Variants in NDUFAF6 observed in about 807,000 individuals in gnomAD.
NDUFAF6 encodes the protein NADH dehydrogenase (ubiquinone) complex I, assembly factor 6.
Under a neutral mutation model 40.8 loss-of-function variants are expected in NDUFAF6, and 45 were observed. That is an observed-to-expected ratio of 1.10 (90% CI 0.87 to 1.42). NDUFAF6 has a LOEUF of 1.42. Among genes scored for constraint, NDUFAF6 ranks in the 40% most tolerant of loss-of-function variants. The probability of loss-of-function intolerance (pLI) is 0.00; values close to 1 mark genes in which losing one functional copy is unlikely to be tolerated. For synonymous variants in NDUFAF6, 185 were observed against 155.9 expected, an observed-to-expected ratio of 1.19 and a Z score of -1.39; for missense variants, 435 against 418.5, an observed-to-expected ratio of 1.04 and a Z score of -0.34.
At chr8:94,918,466 T>G (rs1819282456) in intron 1 of NDUFAF6, among the ~76,000 whole-genome samples, 1 of 152,166 alleles carries the variant, frequency 6.6e-6, no homozygotes, top group Non-Finnish European at 1.5e-5. Flanking sequence ...TAATTACTAA[T>G]CCATTTTTCA....
chr8:94,976,130 T>C (rs7007935), intron 1 of NDUFAF6: 96,330 of 147,322 alleles, frequency 0.65, 32,016 homozygotes, highest in East Asian at 0.79. Context: ...ACCCGGGAGG[T>C]GGAGCTTGCA....
chr8:94,970,888 C>G (rs1824407289), intron 1 of NDUFAF6, among the ~76,000 whole-genome samples: 1 of 152,198 alleles, frequency 6.6e-6, no homozygotes, highest in African/African-American at 2.4e-5. Flanking sequence ...TTTCATGCAG[C>G]ACACCTTTGT....
upstream of NDUFAF6, among the ~76,000 whole-genome samples, chr8:94,954,706 C>T (rs1822925559): frequency 6.6e-6 from 1 of 152,148 alleles, no homozygotes; most frequent in Non-Finnish European, 1.5e-5. Context: ...GTGCTGTTCT[C>T]AGGCTACACA....
At chr8:94,906,672 G>C (rs532853112) in intron 1 of NDUFAF6, among the ~76,000 whole-genome samples, 1 of 152,338 alleles carries the variant, frequency 6.6e-6, no homozygotes. Context: ...ACACAGAGCA[G>C]AGGGAGTGTC....
At chr8:95,036,160 A>G in intron 3 of NDUFAF6, 1 of 512,498 alleles carries the variant, frequency 2.0e-6, no homozygotes, top group Non-Finnish European at 3.0e-6. Flanking sequence ...GATATATACC[A>G]TAAATGGTTT....
chr8:95,035,651 G>T (rs915499034), intron 3 of NDUFAF6, 75 bp downstream of exon 3: 3 of 1,393,342 alleles, frequency 2.2e-6, no homozygotes, highest in Admixed American at 1.8e-5. Flanking sequence ...TATAATTTGG[G>T]TACTGGTGAT....
chr8:94,935,089 C>A (rs1001470913), intron 1 of NDUFAF6, among the ~76,000 whole-genome samples: 1 of 149,836 alleles, frequency 6.7e-6, no homozygotes, highest in African/African-American at 2.5e-5. Flanking sequence ...AAACAGGAAA[C>A]GGTAGGTAGG....
At chr8:94,896,822 CT>C in intron 1 of NDUFAF6, 1 of 152,366 alleles carries the variant, frequency 6.6e-6, no homozygotes, top group East Asian at 1.9e-4. Context: ...GGGCGAAGTC[CT>C]TTTTCACACT....
chr8:94,940,702 A>G lies in NDUFAF6; in HGVS notation c.-935-4781A>G. ...ACAGATGGTTTCCTGCAATTTTTTAAAGACAAACTCCTGCTTACTTTTAAG... is the reference window on the plus strand; with the variant it reads ...ACAGATGGTTTCCTGCAATTTTTTAGAGACAAACTCCTGCTTACTTTTAAG... On this transcript the variant is annotated intron_variant, in intron 1 of 14. Transcript: ENST00000396113. The G allele has an allele frequency of 4.5e-6, 3 of 663,994 alleles. No homozygotes were observed. The South Asian group carries it at 6.1e-5, about 14-fold the overall frequency. The allele number at this position is 663,994 out of a possible 1,614,324, so 41.1% of individuals were successfully genotyped here.
intron 2 of NDUFAF6, chr8:94,951,461 C>G (rs770286731): frequency 2.6e-5 from 4 of 152,244 alleles, no homozygotes; most frequent in Non-Finnish European, 5.9e-5. Context: ...AAATGCCCAT[C>G]ACAGATCAGT....
At chr8:95,107,222 C>T (rs1269261103), downstream of NDUFAF6, among the ~76,000 whole-genome samples, 4 of 152,144 alleles carry the variant, frequency 2.6e-5, no homozygotes, top group Admixed American at 1.3e-4. Context: ...AGCAAAGACT[C>T]GGAACCAACC....
upstream of NDUFAF6, among the ~76,000 whole-genome samples, chr8:94,954,182 C>A (rs1432532576): frequency 6.6e-6 from 1 of 152,182 alleles, no homozygotes; most frequent in Non-Finnish European, 1.5e-5. Flanking sequence ...CCTGCCTCAG[C>A]CTCCCAAGTA....
At chr8:95,007,307 A>AT in intron 2 of NDUFAF6, among the ~76,000 whole-genome samples, 1 of 2,192 alleles carries the variant, frequency 4.6e-4, no homozygotes, top group East Asian at 0.042. Context: ...CTGTAATACC[A>AT]AAAAAAAAAA....
chr8:94,903,784 T>A (rs994061463), intron 1 of NDUFAF6, among the ~76,000 whole-genome samples: 1 of 152,202 alleles, frequency 6.6e-6, no homozygotes, highest in Non-Finnish European at 1.5e-5. Flanking sequence ...TGGTAACTTG[T>A]TAGTTTTTAA....
At chr8:94,950,783 G>C (rs1047447375) in intron 2 of NDUFAF6, 2 of 152,160 alleles carry the variant, frequency 1.3e-5, no homozygotes, top group African/African-American at 2.4e-5. Flanking sequence ...ATCCATTGAA[G>C]AGGCCATCTC....
chr8:95,064,450 A>T (rs1192368110), intron 9 of NDUFAF6, among the ~76,000 whole-genome samples: 1 of 152,308 alleles, frequency 6.6e-6, no homozygotes, highest in African/African-American at 2.4e-5. Flanking sequence ...GGGGGAAAAA[A>T]TAAACACAAA....
chr8:94,928,361 C>T (rs544195470), intron 1 of NDUFAF6: 14 of 152,338 alleles, frequency 9.2e-5, no homozygotes, highest in Admixed American at 5.9e-4. Context: ...GAAAAAGAGA[C>T]GCCGTGTATT....
At chr8:95,032,226 C>T in intron 2 of NDUFAF6, 132 bp downstream of exon 2, 1 of 777,960 alleles carries the variant, frequency 1.3e-6, no homozygotes, top group Non-Finnish European at 2.2e-6. Context: ...GATTTCTTTT[C>T]CCTGCTAACT....
At chr8:95,088,525 C>A (rs1027685028) in intron 2 of NDUFAF6, among the ~76,000 whole-genome samples, 4 of 152,150 alleles carry the variant, frequency 2.6e-5, no homozygotes, top group African/African-American at 9.7e-5. Context: ...TGTAAAACAA[C>A]AGGATGGGTC....
Sources: allele counts gnomAD v4.1 joint callset (sites outside exome capture counted in the v4.1 genomes callset), GRCh38; gene constraint gnomAD v4.1.1; transcripts MANE v1.5; gene names NCBI Gene and HGNC (gene_info 2026-07-23, HGNC 2026-07-21).